The following TGIF2 variants were observed in gnomAD, a reference collection of about 807,000 sequenced individuals.
The protein encoded by TGIF2 is TGFB induced factor homeobox 2.
In TGIF2, 5 loss-of-function variants were observed where a neutral mutation model predicts 15.1. The ratio of observed to expected loss-of-function variants is 0.33; its 90% confidence interval spans 0.17 to 0.70. The LOEUF is 0.70. Ranked by LOEUF, TGIF2 falls within the 30% of genes least tolerant of loss-of-function variation. The probability of loss-of-function intolerance (pLI) is 0.67; values close to 1 mark genes in which losing one functional copy is unlikely to be tolerated. For synonymous variants in TGIF2, 131 were observed against 128.9 expected (o/e 1.02, Z -0.11); for missense variants, 264 against 302.5 (o/e 0.87, Z 0.94).
At chr20:36,574,308 G>A (rs925757346) in intron 1 of TGIF2, among the ~76,000 whole-genome samples, 34 of 151,982 alleles carry the variant, frequency 2.2e-4, no homozygotes, top group Non-Finnish European at 4.1e-4. Flanking sequence ...GGGCGCGTGG[G>A]GCCGGCGCCC....
intron 2 of TGIF2, among the ~76,000 whole-genome samples, chr20:36,589,794 TC>T (rs928388346): frequency 1.3e-5 from 2 of 151,948 alleles, no homozygotes; most frequent in African/African-American, 2.4e-5. Flanking sequence ...GCTCAATTGA[TC>T]CTATCACCTC....
intron 2 of TGIF2, among the ~76,000 whole-genome samples, chr20:36,584,457 G>C (rs2147931504): frequency 6.6e-6 from 1 of 152,224 alleles, no homozygotes; most frequent in South Asian, 2.1e-4. Flanking sequence ...AGGGTCAACA[G>C]GCAGGACCTC....
Position 36,593,904 on chromosome 20 carries a change from T to C in TGIF2, c.*2473T>C, listed in dbSNP as rs1437312897. 1.3e-5 allele frequency: 2 copies of C among 150,810 alleles called. No individual in the cohort carries two copies. Among genetic ancestry groups the C allele is most frequent in the African/African-American group, 2.5e-5 (1 of 39,676 alleles). 9.3% of individuals were successfully genotyped at this position (150,810 alleles called of 1,614,324 possible). ...AGCAAAAACTACTGTAAATAACTTT[T>C]TTGTCTTTTGTCAAATAAAATTTTT... is the stretch of plus-strand genomic sequence containing the variant. On this transcript the variant is annotated 3_prime_UTR_variant, in exon 3 of 3. Transcript: ENST00000373872.
chr20:36,574,298 GGGCGCGTGGGGCC>G (rs1600763525), intron 1 of TGIF2, among the ~76,000 whole-genome samples: 1 of 152,148 alleles, frequency 6.6e-6, no homozygotes, highest in East Asian at 2.0e-4. Context: ...CAAGGAAGCG[GGGCGCGTGGGGCC>G]GGCGCCCCGG....
chr20:36,574,162 C>T (rs2147914943), intron 1 of TGIF2, among the ~76,000 whole-genome samples: 1 of 151,522 alleles, frequency 6.6e-6, no homozygotes, highest in South Asian at 2.1e-4. Flanking sequence ...CCGAGAGTGA[C>T]AGCTGGGGGT....
intron 2 of TGIF2, among the ~76,000 whole-genome samples, chr20:36,589,691 G>A (rs558956501): frequency 1.3e-5 from 2 of 151,562 alleles, no homozygotes; most frequent in Non-Finnish European, 2.9e-5. Flanking sequence ...ACGCTCGACC[G>A]ACTTTTTTTT....
At position 36,592,172 on chromosome 20, in the gene TGIF2, A is replaced by G. The variant is rs980723841; in HGVS notation, c.*741A>G. Reference sequence around the variant, plus strand: ...GTTTACCAAAAAAAAGGCAGGGAAAAAAAAAAAAAACAACCGTATGAGCGC... The same window carrying G: ...GTTTACCAAAAAAAAGGCAGGGAAAGAAAAAAAAAACAACCGTATGAGCGC... On this transcript the variant is annotated 3_prime_UTR_variant, in exon 3 of 3. Transcript: ENST00000373872. The G allele has an allele frequency of 1.3e-5, 2 of 152,410 alleles. No homozygotes were observed. Among genetic ancestry groups the G allele is most frequent in the African/African-American group, 4.8e-5 (2 of 41,424 alleles). The allele number at this position is 152,410 out of a possible 1,614,324, so 9.4% of individuals were successfully genotyped here. A position where few individuals can be genotyped will look rare whatever the true frequency, so the allele number is the denominator to read the frequency against.
chr20:36,581,494 G>A (rs1457505821), intron 2 of TGIF2, among the ~76,000 whole-genome samples: 1 of 152,148 alleles, frequency 6.6e-6, no homozygotes, highest in African/African-American at 2.4e-5. Context: ...TACAGCCTAG[G>A]TTTGGGGCTG....
chr20:36,576,537 G>T (rs1685222350), intron 1 of TGIF2, among the ~76,000 whole-genome samples: 1 of 152,128 alleles, frequency 6.6e-6, no homozygotes, highest in African/African-American at 2.4e-5. Flanking sequence ...AGGGGGTGGG[G>T]AGAGGCCTGG....
intron 2 of TGIF2, among the ~76,000 whole-genome samples, chr20:36,579,696 C>G (rs906094165): frequency 6.6e-6 from 1 of 152,148 alleles, no homozygotes; most frequent in African/African-American, 2.4e-5. Flanking sequence ...GGGCAGAAGT[C>G]AGAGGTTCTG....
At chr20:36,579,450 C>T (rs897001170) in intron 2 of TGIF2, among the ~76,000 whole-genome samples, 3 of 152,166 alleles carry the variant, frequency 2.0e-5, no homozygotes, top group Admixed American at 6.5e-5. Flanking sequence ...GGATTACAGG[C>T]GTGAGCCACC....
At chr20:36,584,881 G>A (rs1433678061) in intron 2 of TGIF2, among the ~76,000 whole-genome samples, 1 of 151,966 alleles carries the variant, frequency 6.6e-6, no homozygotes, top group African/African-American at 2.4e-5. Flanking sequence ...TTTCCATTAA[G>A]GACATTTAAG....
chr20:36,573,981 C>T (rs2038356654), intron 1 of TGIF2, among the ~76,000 whole-genome samples: 1 of 151,688 alleles, frequency 6.6e-6, no homozygotes, highest in Admixed American at 6.6e-5. Flanking sequence ...GGAGGAAGCC[C>T]GCTTGGGGCC....
chr20:36,581,575 T>C (rs374479900), intron 2 of TGIF2, among the ~76,000 whole-genome samples: 2 of 152,144 alleles, frequency 1.3e-5, no homozygotes, highest in African/African-American at 4.8e-5. Flanking sequence ...GAATTACTTT[T>C]TGTCAGGGAC....
Position 36,590,922 on chromosome 20 carries a change from T to C in TGIF2, c.205T>C (p.Phe69Leu). The change falls in exon 3 of 3, where the codon TTC becomes CTC. Residue 69 changes from phenylalanine to leucine, a missense_variant. Phe to Leu is a conservative substitution (Grantham distance 22). Transcript: ENST00000373872. Reference sequence around the variant, plus strand: ...ATATTCATTCCAGATATGTAACTGGTTCATCAATGCCCGGCGGCGGCTTCT... The same window carrying C: ...ATATTCATTCCAGATATGTAACTGGCTCATCAATGCCCGGCGGCGGCTTCT... ...NLSVLQICNWFINARRRLLPD... is the reference protein window; with the variant it reads ...NLSVLQICNWLINARRRLLPD... 6.6e-7 allele frequency: 1 copy of C among 1,515,986 alleles called. No homozygotes were observed. Among genetic ancestry groups the C allele is most frequent in the South Asian group, 1.3e-5 (1 of 76,140 alleles). The allele number at this position is 1,515,986 out of a possible 1,614,324, so 93.9% of individuals were successfully genotyped here.
chr20:36,592,160 AAGGC>A lies in TGIF2; in HGVS notation c.*733_*736del, dbSNP rs2038778874. On this transcript the variant is annotated 3_prime_UTR_variant, in exon 3 of 3. Transcript: ENST00000373872. ...ATCATTGGTTTGGTTTACCAAAAAA[AAGGC>A]AGGGAAAAAAAAAAAAAACAACCGT... is the stretch of plus-strand genomic sequence containing the variant. 6.6e-6 allele frequency: 1 copy of A among 151,788 alleles called. No homozygotes were observed. Among genetic ancestry groups the A allele is most frequent in the South Asian group, 2.1e-4 (1 of 4,816 alleles). 9.4% of individuals were successfully genotyped at this position (151,788 alleles called of 1,614,324 possible). A position where few individuals can be genotyped will look rare whatever the true frequency, so the allele number is the denominator to read the frequency against.
intron 2 of TGIF2, 141 bp from the exon 3 acceptor site, chr20:36,590,769 G>A (rs145667905): frequency 1.1e-5 from 9 of 852,622 alleles, no homozygotes; most frequent in Non-Finnish European, 1.6e-5. Flanking sequence ...GTGTTGCCCA[G>A]GCTGGTCTTG....
At chr20:36,581,591 C>G (rs534673971) in intron 2 of TGIF2, among the ~76,000 whole-genome samples, 2 of 152,096 alleles carry the variant, frequency 1.3e-5, no homozygotes, top group East Asian at 1.9e-4. Context: ...GGGACACTTT[C>G]TCAAACCTGA....
At chr20:36,582,888 CAA>C (rs1364014585) in intron 2 of TGIF2, among the ~76,000 whole-genome samples, 3 of 152,210 alleles carry the variant, frequency 2.0e-5, no homozygotes, top group Non-Finnish European at 4.4e-5. Context: ...AGCTCCTGTA[CAA>C]ATACCCCTTA....
Sources: allele counts gnomAD v4.1 joint callset (sites outside exome capture counted in the v4.1 genomes callset), GRCh38; gene constraint gnomAD v4.1.1; transcripts MANE v1.5; gene names NCBI Gene and HGNC (gene_info 2026-07-23, HGNC 2026-07-21).